The following GPR142 variants were observed in gnomAD, a reference collection of about 807,000 sequenced individuals.
GPR142 encodes the protein G-protein coupled receptor 142 long form.
A neutral mutation model predicts 10.6 loss-of-function variants in GPR142; 9 were observed. The observed-to-expected ratio is 0.85, with a 90% CI of 0.51 to 1.48. The LOEUF (loss-of-function observed/expected upper bound fraction) is 1.48. Ranked by LOEUF, GPR142 falls within the 40% of genes most tolerant of loss-of-function variation. The pLI is 0.00. For synonymous variants in GPR142, 202 were observed against 221.2 expected, an observed-to-expected ratio of 0.91 and a Z score of 0.77; for missense variants, 482 against 506.0, an observed-to-expected ratio of 0.95 and a Z score of 0.45.
At chr17:74,370,700 TG>T in intron 3 of GPR142, 21 bp downstream of exon 3, 2 of 1,599,660 alleles carry the variant, frequency 1.3e-6, no homozygotes, top group Non-Finnish European at 8.5e-7. Flanking sequence ...AGCTGGGGTC[TG>T]GGGACTTGGG....
At chr17:74,370,388 C>T (rs1165800487) in intron 2 of GPR142, 133 bp from the exon 3 acceptor site, 1 of 828,064 alleles carries the variant, frequency 1.2e-6, no homozygotes, top group Non-Finnish European at 1.7e-6. Context: ...ACAGACAGTG[C>T]ACTCAGCTGG....
intron 1 of GPR142, among the ~76,000 whole-genome samples, chr17:74,368,510 G>A (rs1348237939): frequency 6.6e-6 from 1 of 152,186 alleles, no homozygotes; most frequent in Non-Finnish European, 1.5e-5. Context: ...TCCAGGCTCT[G>A]ATGTGAGATC....
At chr17:74,369,737 C>A in intron 2 of GPR142, 103 bp downstream of exon 2, 2 of 1,237,292 alleles carry the variant, frequency 1.6e-6, no homozygotes, top group Non-Finnish European at 1.1e-6. Context: ...GGGGCCAAAG[C>A]TGAGAGTGAG....
chr17:74,369,261 G>A (rs1242536256), intron 1 of GPR142, among the ~76,000 whole-genome samples: 1 of 151,856 alleles, frequency 6.6e-6, no homozygotes, highest in Non-Finnish European at 1.5e-5. Context: ...TGCTCCCCCA[G>A]GCATAGACAT....
At chr17:74,369,674 G>A in intron 2 of GPR142, 40 bp downstream of exon 2, 15 of 1,524,322 alleles carry the variant, frequency 9.8e-6, no homozygotes, top group Non-Finnish European at 1.3e-5. Flanking sequence ...GGGCAATAAG[G>A]TGGAAAGGCA....
chr17:74,371,743 GC>G lies in GPR142; in HGVS notation c.269del (p.Ala90GlufsTer106), dbSNP rs1410109451. On this transcript the variant is annotated frameshift_variant, in exon 4 of 4. Transcript: ENST00000582579. LOFTEE classifies it low-confidence loss of function (END_TRUNC). ...GLGLPVSLLT[A>X]VALARLATRT... The stretch of plus-strand genomic sequence containing the variant: ...GCTGCCCTCAGTCAGCCTCCTGACC[GC>G]AGTGGCCCTGGCGCGCCTTGCCACC... 1.2e-6 allele frequency: 2 copies of G among 1,601,320 alleles called. No individual in the cohort carries two copies. The highest frequency in any genetic ancestry group is 2.7e-5 in the African/African-American group (2 of 74,836).
intron 3 of GPR142, 103 bp from the exon 4 acceptor site, chr17:74,371,626 C>G: frequency 8.2e-7 from 1 of 1,216,030 alleles, no homozygotes; most frequent in Non-Finnish European, 1.1e-6. Flanking sequence ...GCCAGCGCAG[C>G]CTCTGCACAT....
In GPR142 at chr17:74,367,622, G is replaced by A. The variant is rs756365082; in HGVS notation, c.-246G>A. ...ATACTGAGGAAGACAAATCAATGGT[G>A]TCCCATGCACAGAAAAGCCAGCATT... is the stretch of plus-strand genomic sequence containing the variant. On this transcript the variant is annotated 5_prime_UTR_variant, in exon 1 of 4. Coordinates refer to ENST00000582579, the MANE Select transcript of GPR142 (RefSeq NM_001331076.1). The A allele has an allele frequency of 1.9e-6, 3 of 1,614,170 alleles. No individual in the cohort carries two copies. Among genetic ancestry groups the A allele is most frequent in the South Asian group, 2.2e-5 (2 of 91,076 alleles).
chr17:74,371,882 G>C lies in GPR142; in HGVS notation c.407G>C (p.Arg136Pro). 1.2e-6 allele frequency: 2 copies of C among 1,613,174 alleles called. No homozygotes were observed. The highest frequency in any genetic ancestry group is 1.7e-6 in the Non-Finnish European group (2 of 1,179,988). Residue 136 changes from arginine to proline, a missense_variant, in exon 4 of 4, where the codon CGC (arginine) becomes CCC (proline). Coordinates refer to ENST00000582579, the MANE Select transcript of GPR142 (RefSeq NM_001331076.1). Reference protein sequence around the residue: ...GFLLQGAVLARQVPQAVVRTA... With the variant: ...GFLLQGAVLAPQVPQAVVRTA... ...CTCCTGCAGGGAGCAGTGCTGGCCC[G>C]CCAGGTGCCCCAGGCTGTGGTGCGC...
rs150650994 is a variant in GPR142, at chr17:74,371,849, C to T, written c.374C>T (p.Ala125Val). ...ATCATCCAGGTGGTCATCGTGTTCG[C>T]GGGCTTCCTCCTGCAGGGAGCAGTG... The part of the protein sequence containing the change: ...DIIIQVVIVF[A>V]GFLLQGAVLA... Residue 125 changes from alanine (A) to valine (V), a missense_variant, in exon 4 of 4, where the codon GCG becomes GTG. By Grantham distance (64) the Ala-to-Val change is moderately conservative (BLOSUM62 0). Transcript: ENST00000582579. 5.8e-5 allele frequency: 94 copies of T among 1,613,678 alleles called. No homozygotes were observed. In the African/African-American group the frequency reaches 6.4e-4, roughly 11 times the overall value.
chr17:74,369,355 G>A (rs888452503), intron 1 of GPR142, 113 bp from the exon 2 acceptor site: 108 of 964,596 alleles, frequency 1.1e-4, no homozygotes, highest in Non-Finnish European at 1.4e-4. Flanking sequence ...CTGCCTGTGC[G>A]CCTTAGAGCA....
intron 2 of GPR142, 132 bp from the exon 3 acceptor site, chr17:74,370,389 A>T (rs1433446767): frequency 5.9e-6 from 5 of 852,450 alleles, no homozygotes; most frequent in African/African-American, 3.5e-5. Flanking sequence ...CAGACAGTGC[A>T]CTCAGCTGGG....
rs781157489 is a variant in GPR142 at position 74,370,594 on chromosome 17, G to C, written c.168G>C (p.Trp56Cys). 6.2e-7 allele frequency: 1 copy of C among 1,610,010 alleles called. No individual in the cohort carries two copies. The highest frequency in any genetic ancestry group is 1.7e-5 in the Admixed American group (1 of 59,440). ...TGAGCCAGGAGTTTGAAAGCCACTGGCCAGAGATCGCAGAGAGGTCCCCGT... is the reference window on the plus strand; with the variant it reads ...TGAGCCAGGAGTTTGAAAGCCACTGCCCAGAGATCGCAGAGAGGTCCCCGT... Reference protein sequence around the residue: ...SGLSQEFESHWPEIAERSPCV... With the variant: ...SGLSQEFESHCPEIAERSPCV... Residue 56 changes from tryptophan to cysteine, a missense_variant, in exon 3 of 4, where the codon TGG becomes TGC. Coordinates refer to ENST00000582579, the MANE Select transcript of GPR142 (RefSeq NM_001331076.1).
chr17:74,370,064 C>T (rs539090536), intron 2 of GPR142, among the ~76,000 whole-genome samples: 2 of 152,310 alleles, frequency 1.3e-5, no homozygotes, highest in East Asian at 3.9e-4. Flanking sequence ...CTAGAGAGGT[C>T]CCTGTGTGTG....
At position 74,372,551 on chromosome 17, in the gene GPR142, C is replaced by G. The variant is rs544945480; in HGVS notation, c.1076C>G (p.Ala359Gly). Reference protein sequence around the residue: ...TLASQPEGMAAKPVMEPPGLP... With the variant: ...TLASQPEGMAGKPVMEPPGLP... ...GCATCACAGCCAGAGGGCATGGCGG[C>G]GAAGCCTGTGATGGAGCCTCCGGGA... Residue 359 changes from alanine to glycine, a missense_variant, in exon 4 of 4, where the codon GCG becomes GGG. Physicochemically the swap from Ala to Gly is moderately conservative, Grantham distance 60 (BLOSUM62 0). Coordinates refer to ENST00000582579, the MANE Select transcript of GPR142 (RefSeq NM_001331076.1). 6.2e-7 allele frequency: 1 copy of G among 1,611,162 alleles called. No individual in the cohort carries two copies. Among genetic ancestry groups the G allele is most frequent in the African/African-American group, 1.3e-5 (1 of 74,962 alleles).
chr17:74,371,139 C>T (rs2055021026), intron 3 of GPR142, among the ~76,000 whole-genome samples: 1 of 147,000 alleles, frequency 6.8e-6, no homozygotes, highest in African/African-American at 2.5e-5. Flanking sequence ...ACTTGGAGGA[C>T]AATGCCATAG....
At position 74,367,745 on chromosome 17, in the gene GPR142, C is replaced by T. The variant is rs757505098; in HGVS notation, c.-123C>T. The T allele has an allele frequency of 2.5e-5, 41 of 1,613,410 alleles. No homozygotes were observed. The highest frequency in any genetic ancestry group is 2.4e-4 in the South Asian group (22 of 91,024). On this transcript the variant is annotated 5_prime_UTR_variant, in exon 1 of 4. Transcript: ENST00000582579. ...CATCCAAGGACTCCAGCAGTTTCCGCCAGGTGAATCCAGCTGCCTCCCAGA... is the reference window on the plus strand; with the variant it reads ...CATCCAAGGACTCCAGCAGTTTCCGTCAGGTGAATCCAGCTGCCTCCCAGA...
Position 74,372,185 on chromosome 17 carries a change from C to G in GPR142, c.710C>G (p.Pro237Arg), listed in dbSNP as rs1275260552. 1 of 1,614,200 alleles carries G rather than the reference C, an allele frequency of 6.2e-7. No homozygotes were observed. The highest frequency in any genetic ancestry group is 8.5e-7 in the Non-Finnish European group (1 of 1,180,018). ...WAHCLTVYFI[P>R]CGVFLVTNSA... Reference sequence around the variant, plus strand: ...CACTGTCTCACTGTCTATTTCATCCCTTGTGGCGTGTTCCTGGTCACCAAC... The same window carrying G: ...CACTGTCTCACTGTCTATTTCATCCGTTGTGGCGTGTTCCTGGTCACCAAC... The change falls in exon 4 of 4, where the codon CCT (proline) becomes CGT (arginine). Residue 237 changes from proline (P) to arginine (R), a missense_variant. Pro to Arg is a moderately radical substitution (Grantham distance 103). Transcript: ENST00000582579.
At position 74,370,694 on chromosome 17, in the gene GPR142, G is replaced by A. The variant is rs1246814951; in HGVS notation, c.253+15G>A. On this transcript the variant is annotated intron_variant, in intron 3 of 3. Transcript: ENST00000582579. The stretch of plus-strand genomic sequence containing the variant: ...GGGGCTGCCTGGTGAGTGGGGAGCT[G>A]GGGTCTGGGGACTTGGGCTTGGCCA... 1.2e-6 allele frequency: 2 copies of A among 1,602,928 alleles called. No homozygotes were observed. The highest frequency in any genetic ancestry group is 1.7e-6 in the Non-Finnish European group (2 of 1,173,098).
Sources: gnomAD v4.1 joint callset for allele counts (sites outside exome capture counted in the v4.1 genomes callset) on GRCh38, gnomAD v4.1.1 for gene constraint, MANE v1.5 for transcripts, NCBI Gene and HGNC (gene_info 2026-07-23, HGNC 2026-07-21) for gene names.